The following MERTK variants were observed in gnomAD, a reference collection of about 807,000 sequenced individuals.
MERTK encodes MER proto-oncogene, tyrosine kinase.
In MERTK, 69 loss-of-function variants were observed where a neutral mutation model predicts 99.3. That is an observed-to-expected ratio of 0.70 (90% confidence interval 0.57 to 0.85). The LOEUF (loss-of-function observed/expected upper bound fraction) is 0.85, where lower values mean the gene tolerates loss of function less well. Ranked by LOEUF, MERTK falls within the 40% of genes least tolerant of loss-of-function variation. The pLI, the probability that MERTK is intolerant of heterozygous loss-of-function variation, is 0.00. For missense variants in MERTK, 1,125 were observed against 1,249.4 expected, an observed-to-expected ratio of 0.90 and a Z score of 1.50; for synonymous variants, 426 against 467.6, an observed-to-expected ratio of 0.91 and a Z score of 1.15.
At chr2:111,941,127 A>T in intron 2 of MERTK, 1 of 354,922 alleles carries the variant, frequency 2.8e-6, no homozygotes. Flanking sequence ...GCATGCCTGA[A>T]AATGCCATTC....
chr2:111,974,113 G>C (rs1676185606), intron 6 of MERTK, among the ~76,000 whole-genome samples: 1 of 150,620 alleles, frequency 6.6e-6, no homozygotes. Flanking sequence ...CTCAGGATGA[G>C]TGCATTGGCT....
intron 15 of MERTK, among the ~76,000 whole-genome samples, chr2:112,018,213 A>C (rs539996395): frequency 1.3e-5 from 2 of 152,206 alleles, no homozygotes; most frequent in African/African-American, 2.4e-5. Flanking sequence ...TAATTCTGCT[A>C]TACAATTATT....
intron 15 of MERTK, among the ~76,000 whole-genome samples, chr2:112,017,921 A>G (rs1319496597): frequency 2.6e-5 from 4 of 152,184 alleles, no homozygotes; most frequent in African/African-American, 9.7e-5. Flanking sequence ...CCAACTCAAA[A>G]TGACTTTCAA....
At chr2:111,934,692 C>A (rs1684733173) in intron 2 of MERTK, among the ~76,000 whole-genome samples, 1 of 151,972 alleles carries the variant, frequency 6.6e-6, no homozygotes, top group Non-Finnish European at 1.5e-5. Flanking sequence ...ATGATAGTTT[C>A]TTTTGCTATG....
intron 1 of MERTK, among the ~76,000 whole-genome samples, chr2:111,899,885 T>C (rs1236206989): frequency 6.6e-6 from 1 of 152,038 alleles, no homozygotes; most frequent in Non-Finnish European, 1.5e-5. Flanking sequence ...TTCATTCTGC[T>C]TGAACAGCTT....
rs886054763 is a variant in MERTK at position 112,029,174 on chromosome 2, A to G, written c.*310A>G. 1.3e-4 allele frequency: 133 copies of G among 1,034,418 alleles called. No individual in the cohort carries two copies. In the African/African-American group the frequency reaches 2.0e-3, roughly 16 times the overall value. 64.1% of individuals were successfully genotyped at this position (1,034,418 alleles called of 1,614,324 possible). On this transcript the variant is annotated 3_prime_UTR_variant, in exon 19 of 19. Coordinates refer to ENST00000295408, the MANE Select transcript of MERTK (RefSeq NM_006343.3). ...TGCTCCTTGATATTAACATTTGTAC[A>G]GAGTTGAAGTTGTTTTTTCAAGTTC...
At chr2:111,927,120 GA>G (rs1267624290) in intron 1 of MERTK, among the ~76,000 whole-genome samples, 1 of 152,216 alleles carries the variant, frequency 6.6e-6, no homozygotes, top group Non-Finnish European at 1.5e-5. Context: ...TCAGGATAAG[GA>G]AAAGTCTTCC....
rs35055243 is a variant in MERTK, at chr2:111,969,689, CTTT to C, written c.960+1455_960+1457del. ...CCCTCACCCACCACCTCCAGCCTTTCTTTTTTTTTTTTTTTTTTTTGAGACAGA... is the reference window on the plus strand; with the variant it reads ...CCCTCACCCACCACCTCCAGCCTTTCTTTTTTTTTTTTTTTTTGAGACAGA... On this transcript the variant is annotated intron_variant, in intron 6 of 18. Coordinates refer to ENST00000295408, the MANE Select transcript of MERTK (RefSeq NM_006343.3). 6.4e-3 allele frequency among the ~76,000 whole-genome samples: 764 copies of C among 119,130 alleles called. 4 individuals carry two copies. Among genetic ancestry groups the C allele is most frequent in the African/African-American group, 0.024 (727 of 29,926 alleles). The allele number at this position is 119,130 out of a possible 152,430, so 78.2% of individuals were successfully genotyped here.
At position 111,994,319 on chromosome 2, in the gene MERTK, T is replaced by C; in HGVS notation, c.1365T>C (p.Ala455=). ...RARISVQVHN[A]TCTVRIAAVT... The stretch of plus-strand genomic sequence containing the variant: ...GGATCTCTGTTCAAGTCCACAATGC[T>C]ACGTGCACAGTGAGGATTGCAGCCG... Residue 455 remains alanine (A), a synonymous_variant, in exon 9 of 19, where the codon GCT becomes GCC. Transcript: ENST00000295408. 6.2e-7 allele frequency: 1 copy of C among 1,614,146 alleles called. No homozygotes were observed. The highest frequency in any genetic ancestry group is 1.1e-5 in the South Asian group (1 of 91,072).
intron 1 of MERTK, among the ~76,000 whole-genome samples, chr2:111,915,649 A>C (rs564263301): frequency 6.6e-6 from 1 of 152,244 alleles, no homozygotes; most frequent in African/African-American, 2.4e-5. Context: ...TAATCCCAGC[A>C]CTTTGGGAGG....
chr2:111,931,556 C>T (rs887527817), intron 2 of MERTK, among the ~76,000 whole-genome samples: 1 of 152,080 alleles, frequency 6.6e-6, no homozygotes, highest in African/African-American at 2.4e-5. Context: ...CGTGGTGGCG[C>T]ACGCCTATAG....
At chr2:111,913,000 C>CTCTA in intron 1 of MERTK, 1 of 980,998 alleles carries the variant, frequency 1.0e-6, no homozygotes, top group Non-Finnish European at 1.2e-6. Context: ...TCCAGTGATA[C>CTCTA]ACCCTTCACA....
At chr2:111,997,814 G>A (rs556010422) in intron 10 of MERTK, among the ~76,000 whole-genome samples, 1 of 152,324 alleles carries the variant, frequency 6.6e-6, no homozygotes, top group South Asian at 2.1e-4. Context: ...CACTTTGGGA[G>A]GCCAAGGCAG....
rs1032023145 is a variant in MERTK at position 111,968,640 on chromosome 2, C to T, written c.960+388C>T. On this transcript the variant is annotated intron_variant, in intron 6 of 18. Coordinates refer to ENST00000295408, the MANE Select transcript of MERTK (RefSeq NM_006343.3). ...ACTCCACCTGGTTCAAGCAATTCTC[C>T]TGCCTCAGCCCCCTGAGTAGCTGAG... is the stretch of plus-strand genomic sequence containing the variant. 2.6e-5 allele frequency among the ~76,000 whole-genome samples: 4 copies of T among 152,268 alleles called. No individual in the cohort carries two copies. In the East Asian group the frequency reaches 7.7e-4, roughly 29 times the overall value.
At chr2:112,012,800 G>T (rs1415506984) in intron 15 of MERTK, among the ~76,000 whole-genome samples, 1 of 152,132 alleles carries the variant, frequency 6.6e-6, no homozygotes, top group Non-Finnish European at 1.5e-5. Context: ...ACAACTGAGG[G>T]CCTTCATGGG....
At chr2:111,932,569 CA>C (rs1468861826) in intron 2 of MERTK, among the ~76,000 whole-genome samples, 1 of 152,128 alleles carries the variant, frequency 6.6e-6, no homozygotes, top group African/African-American at 2.4e-5. Context: ...AGATAATGTT[CA>C]GGGGCACAGT....
At chr2:112,008,516 C>T (rs754261863) in intron 14 of MERTK, 41 bp downstream of exon 14, 38 of 1,425,964 alleles carry the variant, frequency 2.7e-5, no homozygotes, top group Non-Finnish European at 3.8e-5. Context: ...CAAGAGGGCT[C>T]TGCTGATCTG....
rs192052631 is a variant in MERTK, at chr2:112,016,932, C to A, written c.2080-2481C>A. ...GGTGGGTTCTTGGTCTCGCTGACTTCAAGAATGAAGCCGCGGACCTTTGCA... is the reference window on the plus strand; with the variant it reads ...GGTGGGTTCTTGGTCTCGCTGACTTAAAGAATGAAGCCGCGGACCTTTGCA... On this transcript the variant is annotated intron_variant, in intron 15 of 18. Coordinates refer to ENST00000295408, the MANE Select transcript of MERTK (RefSeq NM_006343.3). 2.2e-4 allele frequency among the ~76,000 whole-genome samples: 34 copies of A among 152,276 alleles called. No homozygotes were observed. In the East Asian group the frequency reaches 5.8e-3, roughly 26 times the overall value.
intron 4 of MERTK, among the ~76,000 whole-genome samples, chr2:111,964,941 T>C (rs977092380): frequency 6.6e-6 from 1 of 152,214 alleles, no homozygotes; most frequent in Admixed American, 6.5e-5. Context: ...TATTACCTAA[T>C]GTCTCACCAT....
Sources: gnomAD v4.1 joint callset for allele counts (sites outside exome capture counted in the v4.1 genomes callset) on GRCh38, gnomAD v4.1.1 for gene constraint, MANE v1.5 for transcripts, NCBI Gene and HGNC (gene_info 2026-07-23, HGNC 2026-07-21) for gene names.